Variants in ATXN8OS observed in about 807,000 individuals in gnomAD.
ATXN8OS encodes ATXN8 opposite strand lncRNA, also known as ATXN8 opposite strand (non-protein coding).
At chr13:70,147,495 T>C (rs1449922077) in intron 4 of ATXN8OS, among the ~76,000 whole-genome samples, 1 of 152,160 alleles carries the variant, frequency 6.6e-6, no homozygotes, top group Non-Finnish European at 1.5e-5. Context: ...CTGCCAATCC[T>C]GTTTCAAATT....
exon 1 of ATXN8OS, chr13:70,107,783 G>A: frequency 9.2e-7 from 1 of 1,088,000 alleles, no homozygotes; most frequent in East Asian, 2.6e-5. Context: ...GGGGCCCGGG[G>A]GCGGAGGAAG....
chr13:70,139,058 T>G (rs1024246023), intron 3 of ATXN8OS, among the ~76,000 whole-genome samples: 1 of 152,190 alleles, frequency 6.6e-6, no homozygotes, highest in African/African-American at 2.4e-5. Context: ...ACATTTATCT[T>G]AAATCATTTA....
At chr13:70,149,335 T>C (rs566213330) in intron 4 of ATXN8OS, among the ~76,000 whole-genome samples, 7 of 152,246 alleles carry the variant, frequency 4.6e-5, no homozygotes, top group African/African-American at 1.4e-4. Flanking sequence ...TAGCATTTTG[T>C]TGCATTTTAT....
intron 3 of ATXN8OS, among the ~76,000 whole-genome samples, chr13:70,140,244 T>C (rs954839546): frequency 1.3e-5 from 2 of 151,992 alleles, no homozygotes; most frequent in African/African-American, 2.4e-5. Context: ...ACCAAAGTGT[T>C]CCTCTGTCAA....
chr13:70,159,402 A>G (rs897241387), intron 4 of ATXN8OS, among the ~76,000 whole-genome samples: 5 of 152,070 alleles, frequency 3.3e-5, no homozygotes, highest in African/African-American at 1.2e-4. Context: ...GCTTTACAGA[A>G]GTAGTACTAC....
intron 4 of ATXN8OS, among the ~76,000 whole-genome samples, chr13:70,152,637 G>A (rs545637530): frequency 4.6e-5 from 7 of 152,020 alleles, no homozygotes; most frequent in South Asian, 4.2e-4. Flanking sequence ...TGTAGGAGAT[G>A]ATCAATAAAT....
At position 70,139,380 on chromosome 13, in the gene ATXN8OS, A is replaced by ACTACTACTACTACTACTGCTGCTG; in HGVS notation, n.500-7970_500-7969insACTACTACTACTGCTGCTGCTACT. The ACTACTACTACTACTACTGCTGCTG allele has an allele frequency of 1.4e-5, 8 of 574,176 alleles. No individual in the cohort carries two copies. The South Asian group carries it at 1.8e-4, about 13-fold the overall frequency. The allele number at this position is 574,176 out of a possible 1,614,324, so 35.6% of individuals were successfully genotyped here. ...TACTACTACTACTACTACTACTACT[A>ACTACTACTACTACTACTGCTGCTG]CTACTGCTGCTGCTGCTGCTGCTGC... On this transcript the variant is annotated intron_variant and non_coding_transcript_variant, in intron 3 of 4. Transcript: ENST00000678624.
exon 5 of ATXN8OS, among the ~76,000 whole-genome samples, chr13:70,171,381 G>T (rs545742100): frequency 1.2e-4 from 19 of 152,142 alleles, no homozygotes; most frequent in Non-Finnish European, 4.4e-5. Flanking sequence ...CACTTAGCAT[G>T]AATAGAGCTA....
chr13:70,158,047 C>A (rs1888958200), intron 4 of ATXN8OS, among the ~76,000 whole-genome samples: 1 of 152,126 alleles, frequency 6.6e-6, no homozygotes, highest in African/African-American at 2.4e-5. Context: ...CTGTATAATA[C>A]CAGATTCTCT....
intron 4 of ATXN8OS, among the ~76,000 whole-genome samples, chr13:70,150,667 A>T (rs986954429): frequency 2.6e-5 from 4 of 152,034 alleles, no homozygotes; most frequent in African/African-American, 4.8e-5. Flanking sequence ...AGGCCTAATA[A>T]GCACATCTTT....
chr13:70,112,234 T>C (rs1391506448), intron 1 of ATXN8OS, among the ~76,000 whole-genome samples: 3 of 152,052 alleles, frequency 2.0e-5, no homozygotes, highest in African/African-American at 7.2e-5. Context: ...CACCTCACAC[T>C]AGGATCCTAC....
At chr13:70,125,638 G>T (rs1888422153) in intron 2 of ATXN8OS, among the ~76,000 whole-genome samples, 1 of 151,948 alleles carries the variant, frequency 6.6e-6, no homozygotes, top group Non-Finnish European at 1.5e-5. Context: ...TTTTTCCTTG[G>T]GTGAGCTTTT....
intron 4 of ATXN8OS, among the ~76,000 whole-genome samples, chr13:70,168,031 A>G (rs1232698502): frequency 2.0e-5 from 3 of 152,016 alleles, no homozygotes; most frequent in Admixed American, 2.0e-4. Context: ...CGGCCAACAT[A>G]TGTGACTTCT....
chr13:70,147,168 A>G (rs1455039382), intron 3 of ATXN8OS, among the ~76,000 whole-genome samples: 1 of 152,184 alleles, frequency 6.6e-6, no homozygotes, highest in African/African-American at 2.4e-5. Context: ...TATAAAGATA[A>G]TACAACTAAC....
intron 4 of ATXN8OS, among the ~76,000 whole-genome samples, chr13:70,167,157 C>T (rs1889085260): frequency 6.6e-6 from 1 of 151,982 alleles, no homozygotes; most frequent in Admixed American, 6.6e-5. Flanking sequence ...CCAGCCATCC[C>T]ATTACTGGGT....
chr13:70,133,756 G>C (rs933652965), intron 3 of ATXN8OS, among the ~76,000 whole-genome samples: 1 of 152,094 alleles, frequency 6.6e-6, no homozygotes, highest in Non-Finnish European at 1.5e-5. Context: ...GAGAGTCAGG[G>C]AGATGCTCCC....
intron 2 of ATXN8OS, chr13:70,115,442 C>T (rs1008406594): frequency 1.3e-5 from 5 of 394,662 alleles, no homozygotes; most frequent in African/African-American, 8.2e-5. Flanking sequence ...TAAGTTCAGA[C>T]CACAGCAGTG....
chr13:70,164,055 CTTATTATTATTATTA>C (rs56827181), intron 4 of ATXN8OS, among the ~76,000 whole-genome samples: 2 of 29,090 alleles, frequency 6.9e-5, no homozygotes, highest in African/African-American at 1.6e-4. Context: ...AGTTTTTATT[CTTATTATTATTATTA>C]TTATTATTAT....
At chr13:70,149,449 G>A (rs893583292) in intron 4 of ATXN8OS, among the ~76,000 whole-genome samples, 1 of 152,080 alleles carries the variant, frequency 6.6e-6, no homozygotes, top group African/African-American at 2.4e-5. Flanking sequence ...ATTTAGTGAG[G>A]TGTTAACAGA....
Sources: gnomAD v4.1 joint callset for allele counts (sites outside exome capture counted in the v4.1 genomes callset) on GRCh38, gnomAD v4.1.1 for gene constraint, MANE v1.5 for transcripts, NCBI Gene and HGNC (gene_info 2026-07-23, HGNC 2026-07-21) for gene names.